Variants in RTTN observed in about 807,000 individuals in gnomAD.
RTTN encodes the protein rotatin.
A neutral mutation model predicts 269.2 loss-of-function variants in RTTN; 182 were observed. The observed-to-expected ratio is 0.68, with a 90% CI of 0.60 to 0.76. The LOEUF is 0.76. Ranked by LOEUF, RTTN falls within the 30% of genes least tolerant of loss-of-function variation. RTTN has a pLI of 0.00. For missense variants in RTTN, 2,545 were observed against 2,608.6 expected (o/e 0.98, Z 0.53); for synonymous variants, 1,006 against 963.5 (o/e 1.04, Z -0.82).
chr18:70,120,557 T>A (rs931802484), intron 26 of RTTN, among the ~76,000 whole-genome samples: 1 of 152,274 alleles, frequency 6.6e-6, no homozygotes, highest in African/African-American at 2.4e-5. Flanking sequence ...GTTTAGGCCC[T>A]CTTTTCTAGT....
At position 70,152,306 on chromosome 18, in the gene RTTN, C is replaced by T. The variant is rs547616241; in HGVS notation, c.1930-1573G>A. ...TAAGAATATGGGCTTTGGAGTGAGCCTATAGGGTTCAAAGCCCAGTTTCAC... is the reference window on the plus strand; with the variant it reads ...TAAGAATATGGGCTTTGGAGTGAGCTTATAGGGTTCAAAGCCCAGTTTCAC... On this transcript the variant is annotated intron_variant, in intron 14 of 48. Transcript: ENST00000640769. 2.0e-4 allele frequency among the ~76,000 whole-genome samples: 31 copies of T among 152,206 alleles called. 1 individual carries two copies. The highest frequency in any genetic ancestry group is 3.4e-3 in the Middle Eastern group (1 of 294).
At chr18:70,015,370 T>C (rs1368303623) in intron 46 of RTTN, among the ~76,000 whole-genome samples, 1 of 152,098 alleles carries the variant, frequency 6.6e-6, no homozygotes, top group Non-Finnish European at 1.5e-5. Context: ...GCCCCAGATC[T>C]ATTTTTACCA....
chr18:70,111,053 C>A (rs1478201750), intron 27 of RTTN, among the ~76,000 whole-genome samples: 1 of 152,206 alleles, frequency 6.6e-6, no homozygotes, highest in Admixed American at 6.5e-5. Context: ...GTGGCAGCAA[C>A]CCCAGACAGG....
chr18:70,165,382 G>A (rs2060957956), intron 14 of RTTN, among the ~76,000 whole-genome samples: 1 of 151,762 alleles, frequency 6.6e-6, no homozygotes. Flanking sequence ...GTGTAAGAGT[G>A]GCTAGGCTAT....
rs566019851 is a variant in RTTN at position 70,072,179 on chromosome 18, T to C, written c.4653+1727A>G. On this transcript the variant is annotated intron_variant, in intron 34 of 48. Coordinates refer to ENST00000640769, the MANE Select transcript of RTTN (RefSeq NM_173630.4). ...AATTAGGGTACGAAGACTATTTTTGTAACTAAAAGTCACCCATTCTAAAAG... is the reference window on the plus strand; with the variant it reads ...AATTAGGGTACGAAGACTATTTTTGCAACTAAAAGTCACCCATTCTAAAAG... Among the ~76,000 whole-genome samples the C allele has an allele frequency of 1.3e-3, 195 of 152,222 alleles. 4 individuals are homozygous for C. The highest frequency in any genetic ancestry group is 0.013 in the South Asian group (61 of 4,824).
chr18:70,175,077 C>T (rs113945205), intron 11 of RTTN, among the ~76,000 whole-genome samples: 1,725 of 106,502 alleles, frequency 0.016, 22 homozygotes, highest in Non-Finnish European at 0.025. Flanking sequence ...GAATAAATAA[C>T]TTTTATAGAC....
In RTTN at chr18:70,030,950, A is replaced by T. The variant is rs1294570118; in HGVS notation, c.5573T>A (p.Leu1858Gln). 4 of 1,613,574 alleles carry T rather than the reference A, an allele frequency of 2.5e-6. No individual in the cohort carries two copies. The highest frequency in any genetic ancestry group is 3.4e-6 in the Non-Finnish European group (4 of 1,179,790). The stretch of plus-strand genomic sequence containing the variant: ...CAATGCATTTGCAGCTACTCTTTTC[A>T]GGATATCTTTGGAGGATTTCCCTTC... ...CYEGKSSKDI[L>Q]KRVAANALMS... Residue 1858 changes from leucine to glutamine, a missense_variant, in exon 41 of 49, where the codon CTG (leucine) becomes CAG (glutamine). By Grantham distance (113) the Leu-to-Gln change is moderately radical (BLOSUM62 -2). Transcript: ENST00000640769.
chr18:70,175,063 A>AT (rs1284744895), intron 11 of RTTN, among the ~76,000 whole-genome samples: 1 of 150,662 alleles, frequency 6.6e-6, no homozygotes, highest in East Asian at 1.9e-4. Flanking sequence ...AAAAAAAAAA[A>AT]AAAGAATAAA....
At chr18:70,183,178 C>T (rs2061458008) in intron 10 of RTTN, among the ~76,000 whole-genome samples, 1 of 152,142 alleles carries the variant, frequency 6.6e-6, no homozygotes, top group African/African-American at 2.4e-5. Context: ...TACCTGAAAA[C>T]AATTACTGTA....
chr18:70,205,488 C>G, intron 1 of RTTN, 140 bp downstream of exon 1: 1 of 1,340,572 alleles, frequency 7.5e-7, no homozygotes, highest in Non-Finnish European at 1.1e-6. Flanking sequence ...GAGATGGGTC[C>G]CCGGGGGCTA....
intron 8 of RTTN, among the ~76,000 whole-genome samples, chr18:70,192,686 A>G (rs957445776): frequency 1.6e-4 from 25 of 151,726 alleles, no homozygotes; most frequent in Admixed American, 5.3e-4. Flanking sequence ...AAAAAAAAAA[A>G]AAAGAAAAAA....
chr18:70,061,796 T>C (rs2057994517), intron 35 of RTTN, among the ~76,000 whole-genome samples: 1 of 152,188 alleles, frequency 6.6e-6, no homozygotes, highest in Non-Finnish European at 1.5e-5. Context: ...ATCACAGCAC[T>C]GTCCTCCAGC....
intron 19 of RTTN, among the ~76,000 whole-genome samples, chr18:70,141,104 C>T (rs1599742955): frequency 6.6e-6 from 1 of 151,864 alleles, no homozygotes; most frequent in South Asian, 2.1e-4. Flanking sequence ...TTTTTTTTAA[C>T]CAGGGCTTTC....
intron 4 of RTTN, among the ~76,000 whole-genome samples, chr18:70,200,605 T>C (rs1393953343): frequency 1.3e-5 from 2 of 152,270 alleles, no homozygotes; most frequent in Non-Finnish European, 2.9e-5. Flanking sequence ...TTTCAGTTCT[T>C]TCTTGTTATT....
chr18:70,164,433 C>T (rs2060933351), intron 14 of RTTN, among the ~76,000 whole-genome samples: 1 of 151,544 alleles, frequency 6.6e-6, no homozygotes, highest in African/African-American at 2.4e-5. Flanking sequence ...AGGCTGGTCT[C>T]AAACTCCTGG....
rs756618140 is a variant in RTTN, at chr18:70,176,725, T to A, written c.1426A>T (p.Ile476Phe). 12 of 1,613,906 alleles carry A rather than the reference T, an allele frequency of 7.4e-6. No homozygotes were observed. The African/African-American group carries it at 1.6e-4, about 22-fold the overall frequency. ...LVHHRMAFIS[I>F]SLFAVRLLQT... Reference sequence around the variant, plus strand: ...AGCAGTCGAACTGCAAACAGGGAAATGCTGATAAAGGCCATTCTGTGGTGC... The same window carrying A: ...AGCAGTCGAACTGCAAACAGGGAAAAGCTGATAAAGGCCATTCTGTGGTGC... Residue 476 changes from isoleucine (I) to phenylalanine (F), a missense_variant, in exon 11 of 49, where the codon ATT becomes TTT. Ile to Phe is a conservative substitution (Grantham distance 21, BLOSUM62 0). Coordinates refer to ENST00000640769, the MANE Select transcript of RTTN (RefSeq NM_173630.4).
At chr18:70,006,755 A>G (rs2056201527) in intron 46 of RTTN, 1 of 369,624 alleles carries the variant, frequency 2.7e-6, no homozygotes, top group Admixed American at 4.1e-5. Flanking sequence ...ATTCATTTAA[A>G]GACCACAAGT....
intron 44 of RTTN, 35 bp from the exon 45 acceptor site, chr18:70,020,852 A>C: frequency 1.9e-6 from 3 of 1,558,048 alleles, no homozygotes; most frequent in Non-Finnish European, 2.6e-6. Flanking sequence ...ATGTCTTCTC[A>C]GTTTCCCTGT....
At chr18:70,193,183 A>C in intron 8 of RTTN, 105 bp downstream of exon 8, 1 of 1,145,468 alleles carries the variant, frequency 8.7e-7, no homozygotes, top group Non-Finnish European at 1.2e-6. Flanking sequence ...TTTCAAAAAA[A>C]AAAAAAAAAA....
Sources: allele counts gnomAD v4.1 joint callset (sites outside exome capture counted in the v4.1 genomes callset), GRCh38; gene constraint gnomAD v4.1.1; transcripts MANE v1.5; gene names NCBI Gene and HGNC (gene_info 2026-07-23, HGNC 2026-07-21).